ARID1B: variants seen among roughly 807,000 people sequenced by gnomAD.
The protein encoded by ARID1B is AT-rich interaction domain 1B, also known as AT-rich interactive domain-containing protein 1B.
Under a neutral mutation model 212.3 loss-of-function variants are expected in ARID1B, and 30 were observed. The observed-to-expected ratio is 0.14, with a 90% CI of 0.11 to 0.19. ARID1B has a LOEUF of 0.19. Among genes scored for constraint, ARID1B ranks in the 10% least tolerant of loss-of-function variants. The pLI is 1.00. For missense variants in ARID1B, 2,891 were observed against 3,204.0 expected, an observed-to-expected ratio of 0.90 and a Z score of 2.36; for synonymous variants, 1,402 against 1,301.7, an observed-to-expected ratio of 1.08 and a Z score of -1.66.
intron 4 of ARID1B, chr6:156,976,925 A>C: frequency 1.8e-6 from 1 of 556,022 alleles, no homozygotes. Flanking sequence ...TTGATGTGCA[A>C]CTCAAAGATC....
At chr6:157,016,974 T>C (rs1162221246) in intron 4 of ARID1B, among the ~76,000 whole-genome samples, 1 of 152,216 alleles carries the variant, frequency 6.6e-6, no homozygotes, top group East Asian at 1.9e-4. Flanking sequence ...TTTGTATTGC[T>C]TAAAGGTTGA....
chr6:157,028,577 G>C lies in ARID1B; in HGVS notation c.2248-56085G>C, dbSNP rs532653100. Among the ~76,000 whole-genome samples, 4 of 152,294 alleles carry C rather than the reference G, an allele frequency of 2.6e-5. No individual in the cohort carries two copies. In the East Asian group the frequency reaches 7.7e-4, roughly 29 times the overall value. ...CTATATTTTGGTCTATATTGTTCAT[G>C]ATCTCATAGCCATGTTTTTTGATAA... On this transcript the variant is annotated intron_variant, in intron 4 of 19. Transcript: ENST00000636930.
At chr6:157,045,972 G>T (rs1366115861) in intron 4 of ARID1B, among the ~76,000 whole-genome samples, 1 of 152,136 alleles carries the variant, frequency 6.6e-6, no homozygotes, top group Non-Finnish European at 1.5e-5. Context: ...CCGGATGTGG[G>T]AATCCAGGAA....
At chr6:156,996,564 A>G (rs2128417667) in intron 4 of ARID1B, among the ~76,000 whole-genome samples, 1 of 152,336 alleles carries the variant, frequency 6.6e-6, no homozygotes, top group African/African-American at 2.4e-5. Flanking sequence ...AACCAAAAAT[A>G]AGTAATAGAT....
chr6:156,917,238 A>T (rs561682247), intron 3 of ARID1B, among the ~76,000 whole-genome samples: 1 of 152,288 alleles, frequency 6.6e-6, no homozygotes, highest in African/African-American at 2.4e-5. Context: ...TCAAGTTGAT[A>T]TAGTTGTTTC....
intron 6 of ARID1B, among the ~76,000 whole-genome samples, chr6:157,128,346 C>T (rs1420017081): frequency 6.6e-6 from 1 of 152,114 alleles, no homozygotes; most frequent in African/African-American, 2.4e-5. Context: ...CCTTTCTCTT[C>T]CTCTTCAATC....
chr6:157,164,459 T>C (rs111894143), intron 8 of ARID1B, among the ~76,000 whole-genome samples: 1 of 152,330 alleles, frequency 6.6e-6, no homozygotes, highest in African/African-American at 2.4e-5. Flanking sequence ...TTCTCTTTTT[T>C]ACCTTAGTAT....
chr6:156,881,114 G>A (rs907198416), intron 2 of ARID1B, among the ~76,000 whole-genome samples: 2 of 152,178 alleles, frequency 1.3e-5, no homozygotes, highest in Non-Finnish European at 2.9e-5. Context: ...TGCCAGGTGA[G>A]TTGGCTCAAG....
At chr6:156,866,360 C>T (rs1398622412) in intron 2 of ARID1B, among the ~76,000 whole-genome samples, 5 of 152,176 alleles carry the variant, frequency 3.3e-5, no homozygotes, top group South Asian at 2.1e-4. Context: ...ACACTATACT[C>T]GGAGGTGTCT....
intron 1 of ARID1B, among the ~76,000 whole-genome samples, chr6:156,823,017 G>C (rs905320970): frequency 6.6e-6 from 1 of 152,294 alleles, no homozygotes; most frequent in East Asian, 1.9e-4. Flanking sequence ...TTCCCGATAT[G>C]ACAGCAACTA....
chr6:157,055,543 CTT>C (rs1197616168), intron 4 of ARID1B, among the ~76,000 whole-genome samples: 2 of 152,160 alleles, frequency 1.3e-5, no homozygotes, highest in East Asian at 3.8e-4. Context: ...AGAAAGCTAA[CTT>C]TAACAAAAAG....
intron 4 of ARID1B, among the ~76,000 whole-genome samples, chr6:156,967,117 C>T (rs1213900824): frequency 2.0e-5 from 3 of 152,020 alleles, no homozygotes; most frequent in Non-Finnish European, 4.4e-5. Flanking sequence ...TTTAAATTGC[C>T]GTGATTAGAA....
chr6:156,966,352 A>G (rs1030773433), intron 4 of ARID1B, among the ~76,000 whole-genome samples: 1 of 151,124 alleles, frequency 6.6e-6, no homozygotes, highest in East Asian at 1.9e-4. Context: ...GAAAATCACT[A>G]CAATACAGAC....
In ARID1B at chr6:157,174,111, G is replaced by C; in HGVS notation, c.3339G>C (p.Lys1113Asn). The change falls in exon 10 of 20, where the codon AAG (lysine) becomes AAC (asparagine). Residue 1113 changes from lysine to asparagine, a missense_variant. By Grantham distance (94) the Lys-to-Asn change is moderately conservative. Coordinates refer to ENST00000636930, the MANE Select transcript of ARID1B (RefSeq NM_001374828.1). Reference sequence around the variant, plus strand: ...AAGGCACTCCACAGCCCGAGAGCAAGTCAAAGGTACTTCCTTCGCCTCTGC... The same window carrying C: ...AAGGCACTCCACAGCCCGAGAGCAACTCAAAGGTACTTCCTTCGCCTCTGC... ...KEEGTPQPES[K>N]SKDSYSSQGI... is the part of the protein sequence containing the mutation. The C allele has an allele frequency of 6.2e-7, 1 of 1,614,072 alleles. No homozygotes were observed. Among genetic ancestry groups the C allele is most frequent in the Non-Finnish European group, 8.5e-7 (1 of 1,179,900 alleles).
chr6:157,061,601 T>C (rs186648475), intron 4 of ARID1B, among the ~76,000 whole-genome samples: 8 of 152,236 alleles, frequency 5.3e-5, no homozygotes, highest in African/African-American at 1.9e-4. Context: ...TGCCCAGTTA[T>C]AGTTGAATTT....
intron 2 of ARID1B, among the ~76,000 whole-genome samples, chr6:156,883,223 A>C (rs1480871503): frequency 6.6e-6 from 1 of 152,144 alleles, no homozygotes; most frequent in Admixed American, 6.5e-5. Context: ...TCTTGGTAGC[A>C]TTATTGTAAA....
rs1022065706 is a variant in ARID1B, at chr6:156,852,044, T to G, written c.1986+22623T>G. Among the ~76,000 whole-genome samples the G allele has an allele frequency of 2.0e-5, 3 of 152,206 alleles. No homozygotes were observed. The East Asian group carries it at 5.8e-4, about 29-fold the overall frequency. On this transcript the variant is annotated intron_variant, in intron 2 of 19. Coordinates refer to ENST00000636930, the MANE Select transcript of ARID1B (RefSeq NM_001374828.1). ...CTGGGTAAAGTTATATTTCTATTCT[T>G]TACCTCTCGCAAGAGCATATAGGGA...
At chr6:156,834,329 T>C (rs961529792) in intron 2 of ARID1B, among the ~76,000 whole-genome samples, 1 of 152,146 alleles carries the variant, frequency 6.6e-6, no homozygotes, top group Non-Finnish European at 1.5e-5. Flanking sequence ...TGAGAAAGGA[T>C]AGATAACTTG....
chr6:156,855,089 GTAA>G (rs1784824849), intron 2 of ARID1B, among the ~76,000 whole-genome samples: 1 of 152,162 alleles, frequency 6.6e-6, no homozygotes, highest in South Asian at 2.1e-4. Flanking sequence ...AATTCAAATT[GTAA>G]TAATGTCACT....
Sources: gnomAD v4.1 joint callset for allele counts (sites outside exome capture counted in the v4.1 genomes callset) on GRCh38, gnomAD v4.1.1 for gene constraint, MANE v1.5 for transcripts, NCBI Gene and HGNC (gene_info 2026-07-23, HGNC 2026-07-21) for gene names.